UVRAG: variants seen among roughly 807,000 people sequenced by gnomAD.
UVRAG encodes UV radiation resistance-associated gene protein.
Under a neutral mutation model 78.0 loss-of-function variants are expected in UVRAG, and 19 were observed. The observed-to-expected ratio is 0.24, with a 90% confidence interval of 0.17 to 0.36. The LOEUF is 0.36. Among genes scored for constraint, UVRAG ranks in the 10% least tolerant of loss-of-function variants. The probability of loss-of-function intolerance (pLI) is 1.00; values close to 1 mark genes in which losing one functional copy is unlikely to be tolerated. For missense variants in UVRAG, 740 were observed against 853.8 expected, an observed-to-expected ratio of 0.87 and a Z score of 1.66; for synonymous variants, 323 against 324.6, an observed-to-expected ratio of 1.00 and a Z score of 0.05.
chr11:75,827,832 C>T (rs1289208110), intron 1 of UVRAG, among the ~76,000 whole-genome samples: 1 of 152,044 alleles, frequency 6.6e-6, no homozygotes, highest in African/African-American at 2.4e-5. Context: ...GAGAGCTAAT[C>T]CAGAAAACTA....
rs538633811 is a variant in UVRAG, at chr11:76,036,798, A to G, written c.1226+19818A>G. Among the ~76,000 whole-genome samples, 19 of 152,152 alleles carry G rather than the reference A, an allele frequency of 1.2e-4. No individual in the cohort carries two copies. In the South Asian group the frequency reaches 3.5e-3, roughly 28 times the overall value. On this transcript the variant is annotated intron_variant, in intron 12 of 14. Coordinates refer to ENST00000356136, the MANE Select transcript of UVRAG (RefSeq NM_003369.4). The stretch of plus-strand genomic sequence containing the variant: ...GAGACACATGTGCCACACAGATTGA[A>G]AACTCATAAGAACATACTGTGAACA...
At chr11:76,017,693 A>G (rs902346548) in intron 12 of UVRAG, among the ~76,000 whole-genome samples, 2 of 152,204 alleles carry the variant, frequency 1.3e-5, no homozygotes, top group African/African-American at 4.8e-5. Context: ...CTGAAAGCTG[A>G]TTTCTCAATG....
chr11:75,860,439 C>A (rs906851555), intron 2 of UVRAG, among the ~76,000 whole-genome samples: 3 of 152,082 alleles, frequency 2.0e-5, no homozygotes, highest in Non-Finnish European at 4.4e-5. Flanking sequence ...TCAAACAACA[C>A]AAGAATATAT....
At chr11:75,904,415 C>T (rs1323107274) in intron 5 of UVRAG, among the ~76,000 whole-genome samples, 1 of 152,166 alleles carries the variant, frequency 6.6e-6, no homozygotes, top group African/African-American at 2.4e-5. Context: ...CGTTTCTTTC[C>T]ATTATAATCC....
intron 13 of UVRAG, among the ~76,000 whole-genome samples, chr11:76,093,131 A>G (rs1434585539): frequency 6.6e-6 from 1 of 152,196 alleles, no homozygotes; most frequent in Non-Finnish European, 1.5e-5. Flanking sequence ...GGTTTGTCAA[A>G]GATCAGATGG....
At chr11:75,854,306 C>T (rs1265362045) in intron 2 of UVRAG, among the ~76,000 whole-genome samples, 1 of 152,116 alleles carries the variant, frequency 6.6e-6, no homozygotes, top group Non-Finnish European at 1.5e-5. Context: ...TCTGGCATGG[C>T]CAGAGATAGA....
chr11:76,074,071 CAAGT>C (rs1425000385), intron 13 of UVRAG, among the ~76,000 whole-genome samples: 5 of 152,078 alleles, frequency 3.3e-5, no homozygotes, highest in Admixed American at 3.3e-4. Flanking sequence ...TTTATATTAA[CAAGT>C]AATAGATTGC....
chr11:75,963,485 G>C (rs768153327), intron 7 of UVRAG, among the ~76,000 whole-genome samples: 2 of 152,176 alleles, frequency 1.3e-5, no homozygotes, highest in Non-Finnish European at 2.9e-5. Flanking sequence ...TAGCATATTA[G>C]AAAACTTTAC....
At chr11:76,010,753 C>G (rs527670109) in intron 11 of UVRAG, among the ~76,000 whole-genome samples, 1 of 152,058 alleles carries the variant, frequency 6.6e-6, no homozygotes, top group East Asian at 1.9e-4. Flanking sequence ...GAATTTGTTG[C>G]AAAAGAGAGA....
chr11:75,909,600 C>G (rs1947690537), intron 5 of UVRAG, among the ~76,000 whole-genome samples: 1 of 152,106 alleles, frequency 6.6e-6, no homozygotes, highest in Non-Finnish European at 1.5e-5. Context: ...AGCTCTATTC[C>G]CCTACCTTTG....
chr11:76,076,494 A>G (rs369175356), intron 13 of UVRAG, among the ~76,000 whole-genome samples: 29 of 152,318 alleles, frequency 1.9e-4, no homozygotes, highest in African/African-American at 6.5e-4. Flanking sequence ...ACCTGCTCCC[A>G]TGATTCAATT....
intron 6 of UVRAG, among the ~76,000 whole-genome samples, chr11:75,960,018 T>C (rs2135197720): frequency 6.6e-6 from 1 of 152,230 alleles, no homozygotes; most frequent in South Asian, 2.1e-4. Context: ...CCAAAATAAC[T>C]ATAATAGCAA....
chr11:75,983,278 G>A, intron 7 of UVRAG, 109 bp from the exon 8 acceptor site: 1 of 1,002,168 alleles, frequency 1.0e-6, no homozygotes, highest in Non-Finnish European at 1.4e-6. Flanking sequence ...AGTTTGATGA[G>A]TATTAAAATG....
intron 13 of UVRAG, among the ~76,000 whole-genome samples, chr11:76,079,236 C>T (rs1056352842): frequency 6.6e-6 from 1 of 152,168 alleles, no homozygotes; most frequent in Non-Finnish European, 1.5e-5. Context: ...GTAATTCCAA[C>T]ATTTTGGGAG....
rs929836833 is a variant in UVRAG at position 76,143,576 on chromosome 11, C to T, written c.*2163C>T. Among the ~76,000 whole-genome samples, 2 of 152,204 alleles carry T rather than the reference C, an allele frequency of 1.3e-5. No individual in the cohort carries two copies. The highest frequency in any genetic ancestry group is 1.3e-4 in the Admixed American group (2 of 15,286). ...ACATTTGCCTCGACCCACACAGCCCCGTGGTGATGCCTCAAAACACCACTT... is the reference window on the plus strand; with the variant it reads ...ACATTTGCCTCGACCCACACAGCCCTGTGGTGATGCCTCAAAACACCACTT... On this transcript the variant is annotated 3_prime_UTR_variant, in exon 15 of 15. Coordinates refer to ENST00000356136, the MANE Select transcript of UVRAG (RefSeq NM_003369.4).
At chr11:76,046,878 G>A (rs1039789425) in intron 12 of UVRAG, among the ~76,000 whole-genome samples, 9 of 152,116 alleles carry the variant, frequency 5.9e-5, no homozygotes, top group African/African-American at 1.7e-4. Flanking sequence ...AAGCTCTAGG[G>A]TATTTTAACT....
intron 8 of UVRAG, among the ~76,000 whole-genome samples, chr11:75,989,680 T>C (rs1056201080): frequency 3.3e-5 from 5 of 152,364 alleles, no homozygotes; most frequent in Admixed American, 1.3e-4. Flanking sequence ...TTCAAAGACA[T>C]GCTCAAATAC....
At chr11:76,101,161 T>A (rs182469306) in intron 13 of UVRAG, among the ~76,000 whole-genome samples, 2 of 152,284 alleles carry the variant, frequency 1.3e-5, no homozygotes, top group Non-Finnish European at 2.9e-5. Context: ...TACTTTTGTT[T>A]TTAGCTCTTT....
At chr11:75,986,791 AC>A (rs1440178441) in intron 8 of UVRAG, among the ~76,000 whole-genome samples, 1 of 146,786 alleles carries the variant, frequency 6.8e-6, no homozygotes, top group African/African-American at 2.5e-5. Context: ...CTAAGTAACC[AC>A]CCCCCTACCT....
Sources: gnomAD v4.1 joint callset for allele counts (sites outside exome capture counted in the v4.1 genomes callset) on GRCh38, gnomAD v4.1.1 for gene constraint, MANE v1.5 for transcripts, NCBI Gene and HGNC (gene_info 2026-07-23, HGNC 2026-07-21) for gene names.